The following PLCH2 variants were observed in gnomAD, a reference collection of about 807,000 sequenced individuals.
PLCH2 encodes 1-phosphatidylinositol 4,5-bisphosphate phosphodiesterase eta-2.
In PLCH2, 98 loss-of-function variants were observed where a neutral mutation model predicts 134.7. The observed-to-expected ratio is 0.73, with a 90% confidence interval of 0.62 to 0.86. The LOEUF (loss-of-function observed/expected upper bound fraction) is 0.86. Among genes scored for constraint, PLCH2 ranks in the 40% least tolerant of loss-of-function variants. The pLI is 0.00. For synonymous variants in PLCH2, 974 were observed against 827.5 expected (o/e 1.18, Z -3.04); for missense variants, 1,994 against 1,986.6 (o/e 1.00, Z -0.07).
chr1:2,441,515 A>G (rs6673661), intron 2 of PLCH2, among the ~76,000 whole-genome samples: 93,376 of 152,028 alleles, frequency 0.61, 30,427 homozygotes, highest in East Asian at 0.87. Context: ...TGGCACGTCC[A>G]TCCTCCACTC....
At chr1:2,466,302 T>C (rs1055338978), upstream of PLCH2, among the ~76,000 whole-genome samples, 12 of 152,146 alleles carry the variant, frequency 7.9e-5, no homozygotes, top group Non-Finnish European at 1.6e-4. Flanking sequence ...GAGAGACTGT[T>C]CATTCACGAG....
intron 13 of PLCH2, 114 bp from the exon 14 acceptor site, chr1:2,496,493 G>A (rs759010196): frequency 4.0e-5 from 34 of 845,932 alleles, no homozygotes; most frequent in Non-Finnish European, 5.6e-5. Context: ...CTGATGGTTC[G>A]GGGCCTGCTG....
At chr1:2,494,674 G>T (rs986756267) in intron 11 of PLCH2, among the ~76,000 whole-genome samples, 182 bp from the exon 12 acceptor site, 5 of 152,148 alleles carry the variant, frequency 3.3e-5, no homozygotes, top group African/African-American at 9.7e-5. Context: ...ACTGGGAACG[G>T]CTGCCACGGG....
In PLCH2 at chr1:2,433,068, C is replaced by T. The variant is rs1639144485; in HGVS notation, c.115+2439C>T. 3.3e-5 allele frequency among the ~76,000 whole-genome samples: 5 copies of T among 152,226 alleles called. No homozygotes were observed. In the South Asian group the frequency reaches 6.2e-4, roughly 19 times the overall value. On this transcript the variant is annotated intron_variant, in intron 2 of 3. Coordinates refer to the PLCH2 transcript ENST00000609981. Reference sequence around the variant, plus strand: ...CGTGTTTCCCTCTGGGAGGATCGAACAGCTTGGATGTGGGGCCCCACTGAA... The same window carrying T: ...CGTGTTTCCCTCTGGGAGGATCGAATAGCTTGGATGTGGGGCCCCACTGAA...
chr1:2,448,397 C>T lies in PLCH2; in HGVS notation c.115+17768C>T, dbSNP rs930258734. Among the ~76,000 whole-genome samples, 1 of 152,164 alleles carries T rather than the reference C, an allele frequency of 6.6e-6. No individual in the cohort carries two copies. Among genetic ancestry groups the T allele is most frequent in the Admixed American group, 6.5e-5 (1 of 15,286 alleles). On this transcript the variant is annotated intron_variant, in intron 2 of 3. Transcript: ENST00000609981. This position sits in a 1 kb window ranked among gnomAD's most constrained non-coding sequence, Gnocchi z 4.0. ...GGCGTCCCTTGGGTTGTGGCCGCCT[C>T]CTGCTTCTGCCTGTCTTCCCTCGCC...
intron 1 of PLCH2, chr1:2,467,708 G>A (rs1442266342): frequency 7.4e-6 from 3 of 404,712 alleles, no homozygotes; most frequent in Non-Finnish European, 1.3e-5. Context: ...GATGGTCCCC[G>A]TAGGGAGCCC....
At chr1:2,503,088 C>T (rs1485683493) in intron 21 of PLCH2, 1 of 698,912 alleles carries the variant, frequency 1.4e-6, no homozygotes, top group South Asian at 1.5e-5. Context: ...GGCCCATAGC[C>T]CCAGCCCTCC....
intron 1 of PLCH2, among the ~76,000 whole-genome samples, chr1:2,468,185 T>C (rs1053324317): frequency 6.6e-6 from 1 of 152,162 alleles, no homozygotes; most frequent in East Asian, 1.9e-4. Flanking sequence ...AAGGTGGCCC[T>C]GAGCTGCAGT....
chr1:2,446,729 T>TGCAGAGGGGTTGGGCTG (rs986407419), intron 2 of PLCH2, among the ~76,000 whole-genome samples: 3 of 151,928 alleles, frequency 2.0e-5, no homozygotes, highest in Non-Finnish European at 4.4e-5. Context: ...CCTGGGCCCA[T>TGCAGAGGGGTTGGGCTG]GCAGAGGGGT....
the PLCH2 span, among the ~76,000 whole-genome samples, chr1:2,415,976 G>T: frequency 6.6e-6 from 1 of 152,254 alleles, no homozygotes; most frequent in African/African-American, 2.4e-5. Context: ...GAGCTCAGAG[G>T]CCGGGGAGGA....
chr1:2,471,126 G>A (rs755581810), intron 1 of PLCH2, among the ~76,000 whole-genome samples: 7 of 152,188 alleles, frequency 4.6e-5, no homozygotes, highest in African/African-American at 9.7e-5. Flanking sequence ...TGTCAAGTGC[G>A]ATTAATACCG....
At chr1:2,425,377 C>T (rs2100466355), upstream of PLCH2, among the ~76,000 whole-genome samples, 1 of 152,310 alleles carries the variant, frequency 6.6e-6, no homozygotes, top group South Asian at 2.1e-4. Context: ...CACTGATGGA[C>T]ACTCAGGCTG....
intron 2 of PLCH2, among the ~76,000 whole-genome samples, chr1:2,451,096 T>C (rs1640202362): frequency 6.6e-6 from 1 of 151,924 alleles, no homozygotes; most frequent in Admixed American, 6.5e-5. Flanking sequence ...AAATAGGACT[T>C]GAGGTGCAAT....
intron 2 of PLCH2, among the ~76,000 whole-genome samples, chr1:2,457,969 A>G (rs1005650157): frequency 6.6e-6 from 1 of 151,204 alleles, no homozygotes; most frequent in African/African-American, 2.4e-5. Flanking sequence ...GAGGGCAGAG[A>G]GCAACGTGCG....
At chr1:2,416,016 C>T in the PLCH2 span, among the ~76,000 whole-genome samples, 649 of 152,348 alleles carry the variant, frequency 4.3e-3, 3 homozygotes, top group East Asian at 0.012. Flanking sequence ...CCCCACGGTT[C>T]GTATCCCCAT....
intron 1 of PLCH2, among the ~76,000 whole-genome samples, chr1:2,477,657 G>A (rs1641707399): frequency 6.6e-6 from 1 of 152,176 alleles, no homozygotes; most frequent in Admixed American, 6.5e-5. Flanking sequence ...CCTGGGACAA[G>A]CTACAGCAGG....
chr1:2,502,470 T>G (rs1263083391), intron 21 of PLCH2, 61 bp downstream of exon 21: 1 of 1,481,102 alleles, frequency 6.8e-7, no homozygotes, highest in Admixed American at 2.0e-5. Context: ...CCGCGTGTCC[T>G]GGACGGCCCC....
At chr1:2,458,038 G>A (rs1218080624) in intron 2 of PLCH2, among the ~76,000 whole-genome samples, 1 of 152,146 alleles carries the variant, frequency 6.6e-6, no homozygotes, top group Non-Finnish European at 1.5e-5. Flanking sequence ...GGGCTCACTG[G>A]TGCATCCCTG....
Position 2,504,979 on chromosome 1 carries a change from C to T in PLCH2, c.4017C>T (p.Ser1339=). Residue 1339 remains serine, a synonymous_variant, in exon 22 of 22, where the codon TCC becomes TCT. Transcript: ENST00000378486. ...AGGPGFVRRS[S]SRSHSRVRAI... ...GCCCTGGTTTTGTGCGGCGCTCCTC[C>T]TCCCGCAGCCACAGCCGCGTGCGTG... 1.3e-6 allele frequency: 2 copies of T among 1,548,468 alleles called. No individual in the cohort carries two copies. Among genetic ancestry groups the T allele is most frequent in the Non-Finnish European group, 1.7e-6 (2 of 1,150,506 alleles).
Sources: gnomAD v4.1 joint callset for allele counts (sites outside exome capture counted in the v4.1 genomes callset) on GRCh38, gnomAD v4.1.1 for gene constraint, Gnocchi (gnomAD v3.1) non-coding constraint, MANE v1.5 for transcripts, NCBI Gene and HGNC (gene_info 2026-07-23, HGNC 2026-07-21) for gene names.